The following GLYR1 variants were observed in gnomAD, a reference collection of about 807,000 sequenced individuals.
The protein encoded by GLYR1 is cytokine-like nuclear factor N-PAC.
A neutral mutation model predicts 72.7 loss-of-function variants in GLYR1; 21 were observed. The ratio of observed to expected loss-of-function variants is 0.29; its 90% CI spans 0.20 to 0.42. The LOEUF (loss-of-function observed/expected upper bound fraction) is 0.42, where lower values mean the gene tolerates loss of function less well. Among genes scored for constraint, GLYR1 ranks in the 10% least tolerant of loss-of-function variants. The pLI, the probability that GLYR1 is intolerant of heterozygous loss-of-function variation, is 1.00. For synonymous variants in GLYR1, 392 were observed against 270.2 expected, an observed-to-expected ratio of 1.45 and a Z score of -4.42; for missense variants, 594 against 712.1, an observed-to-expected ratio of 0.83 and a Z score of 1.89.
At chr16:4,813,385 A>G (rs1457708052) in intron 12 of GLYR1, among the ~76,000 whole-genome samples, 2 of 151,998 alleles carry the variant, frequency 1.3e-5, no homozygotes, top group Non-Finnish European at 2.9e-5. Context: ...CAAAGTCCCC[A>G]CTCCCTTATT....
intron 3 of GLYR1, among the ~76,000 whole-genome samples, chr16:4,841,669 CAA>C (rs2142046164): frequency 6.6e-6 from 1 of 151,778 alleles, no homozygotes; most frequent in South Asian, 2.1e-4. Context: ...ACAACAACAA[CAA>C]CAACAAAAAA....
At chr16:4,839,944 C>G (rs2085424761) in intron 3 of GLYR1, 1 of 152,186 alleles carries the variant, frequency 6.6e-6, no homozygotes, top group Non-Finnish European at 1.5e-5. Context: ...GGGTCAGACC[C>G]TATCCACCTG....
intron 10 of GLYR1, among the ~76,000 whole-genome samples, chr16:4,815,341 A>G (rs897842757): frequency 1.3e-5 from 2 of 151,842 alleles, no homozygotes; most frequent in Non-Finnish European, 2.9e-5. Context: ...TTTCTATCAG[A>G]CTTTTAATGT....
At chr16:4,836,383 G>C (rs2085134256) in intron 3 of GLYR1, among the ~76,000 whole-genome samples, 1 of 152,134 alleles carries the variant, frequency 6.6e-6, no homozygotes, top group Admixed American at 6.6e-5. Context: ...TGTAACTTTT[G>C]ATTTTCCTAT....
At chr16:4,811,420 G>T in intron 14 of GLYR1, 126 bp from the exon 15 acceptor site, 2 of 1,365,910 alleles carry the variant, frequency 1.5e-6, no homozygotes, top group East Asian at 2.3e-5. Flanking sequence ...AGGCCTCTTG[G>T]CTCCTCACTC....
rs146132931 is a variant in GLYR1, at chr16:4,823,902, G to A, written c.543C>T (p.Leu181=). 25 of 1,613,844 alleles carry A rather than the reference G, an allele frequency of 1.5e-5. 1 individual carries two copies. Among genetic ancestry groups the A allele is most frequent in the Middle Eastern group, 1.7e-4 (1 of 6,058 alleles). ...TCACGGTACTAGACTCCGGGATGGT[G>A]AGATCCTATAGAGGGAGGGGCAGGG... The part of the protein sequence containing the change: ...RGRPPKDEKD[L]TIPESSTVKG... Residue 181 remains leucine, a synonymous_variant, in exon 6 of 16, where the codon CTC becomes CTT. Transcript: ENST00000321919.
chr16:4,811,922 C>T (rs937794802), intron 13 of GLYR1, 120 bp from the exon 14 acceptor site: 21 of 1,414,922 alleles, frequency 1.5e-5, no homozygotes, highest in South Asian at 2.7e-5. Context: ...CACCTGCCCC[C>T]GACAGACTGG....
At chr16:4,817,404 C>T (rs1394609080) in intron 10 of GLYR1, among the ~76,000 whole-genome samples, 194 bp downstream of exon 10, 3 of 152,132 alleles carry the variant, frequency 2.0e-5, no homozygotes, top group African/African-American at 7.2e-5. Context: ...CAGGAGTGAG[C>T]CACCGCGCCA....
chr16:4,814,353 T>C (rs1445869550), intron 11 of GLYR1, among the ~76,000 whole-genome samples, 184 bp downstream of exon 11: 1 of 152,246 alleles, frequency 6.6e-6, no homozygotes, highest in Non-Finnish European at 1.5e-5. Context: ...TTCTTTGATC[T>C]GAATTAAAGG....
At chr16:4,817,554 C>G (rs760774455) in intron 10 of GLYR1, 44 bp downstream of exon 10, 1 of 1,211,776 alleles carries the variant, frequency 8.3e-7, no homozygotes, top group South Asian at 1.2e-5. Flanking sequence ...TTAGGGTTAC[C>G]CCAGACTCCA....
chr16:4,833,475 T>A (rs577652413), intron 3 of GLYR1, among the ~76,000 whole-genome samples: 1 of 152,254 alleles, frequency 6.6e-6, no homozygotes, highest in African/African-American at 2.4e-5. Context: ...CTTCTAAAAT[T>A]TGTGGTTCCT....
intron 15 of GLYR1, among the ~76,000 whole-genome samples, chr16:4,810,699 TAAAAAAAAAAAAAAAAAAAA>T (rs551202037): frequency 4.6e-5 from 1 of 21,812 alleles, no homozygotes; most frequent in Non-Finnish European, 7.4e-5. Context: ...CTGTCTCTAC[TAAAAAAAAAAAAAAAAAAAA>T]AAAAAAAAAA....
chr16:4,810,117 TG>T (rs1429712657), intron 15 of GLYR1, among the ~76,000 whole-genome samples: 1 of 152,080 alleles, frequency 6.6e-6, no homozygotes, highest in East Asian at 1.9e-4. Flanking sequence ...CACGGATTAG[TG>T]GACATTTAAA....
intron 15 of GLYR1, among the ~76,000 whole-genome samples, chr16:4,809,223 T>A (rs1336115164): frequency 1.9e-5 from 2 of 103,430 alleles, no homozygotes; most frequent in Non-Finnish European, 2.2e-5. Flanking sequence ...GGAGTCTCAC[T>A]CTGTTGCCCA....
chr16:4,823,814 T>A lies in GLYR1; in HGVS notation c.624+7A>T. The A allele has an allele frequency of 6.2e-7, 1 of 1,609,742 alleles. No homozygotes were observed. On this transcript the variant is annotated splice_region_variant and intron_variant, in intron 6 of 15. Coordinates refer to ENST00000321919, the MANE Select transcript of GLYR1 (RefSeq NM_032569.4). ...CAGCTTGTCCTGCCTGCAGGAGAGC[T>A]CCTTACCTCGCTTGCGGTTGGCTGC...
intron 13 of GLYR1, 80 bp downstream of exon 13, chr16:4,812,006 G>T: frequency 6.6e-7 from 1 of 1,526,534 alleles, no homozygotes; most frequent in Non-Finnish European, 8.8e-7. Context: ...GAAAGGCCGT[G>T]TGGGACTGAC....
rs887425507 is a variant in GLYR1, at chr16:4,823,810, G to C, written c.624+11C>G. 3 of 1,611,724 alleles carry C rather than the reference G, an allele frequency of 1.9e-6. No homozygotes were observed. Among genetic ancestry groups the C allele is most frequent in the Non-Finnish European group, 2.5e-6 (3 of 1,178,678 alleles). ...GCCACAGCTTGTCCTGCCTGCAGGA[G>C]AGCTCCTTACCTCGCTTGCGGTTGG... On this transcript the variant is annotated intron_variant, in intron 6 of 15. Transcript: ENST00000321919.
chr16:4,811,931 G>C, intron 13 of GLYR1, 129 bp from the exon 14 acceptor site: 1 of 1,413,292 alleles, frequency 7.1e-7, no homozygotes, highest in South Asian at 1.4e-5. Context: ...CCGACAGACT[G>C]GCTCTTCCTC....
intron 3 of GLYR1, among the ~76,000 whole-genome samples, chr16:4,842,944 C>T (rs1170956663): frequency 1.3e-5 from 2 of 152,172 alleles, no homozygotes; most frequent in Admixed American, 1.3e-4. Flanking sequence ...AAGCAATCTG[C>T]CTGCCCCGGC....
Sources: gnomAD v4.1 joint callset for allele counts (sites outside exome capture counted in the v4.1 genomes callset) on GRCh38, gnomAD v4.1.1 for gene constraint, MANE v1.5 for transcripts, NCBI Gene and HGNC (gene_info 2026-07-23, HGNC 2026-07-21) for gene names.